Variants in NME7 observed in about 807,000 individuals in gnomAD.
NME7 encodes NME/NM23 family member 7, also known as nucleoside diphosphate kinase 7.
In NME7, 41 loss-of-function variants were observed where a neutral mutation model predicts 49.1. That is an observed-to-expected ratio of 0.83 (90% confidence interval 0.65 to 1.08). The LOEUF (loss-of-function observed/expected upper bound fraction) is 1.08, where lower values mean the gene tolerates loss of function less well. NME7 is among the 50% of genes least tolerant of loss of function. The pLI is 0.00. For missense variants in NME7, 423 were observed against 463.4 expected (o/e 0.91, Z 0.80); for synonymous variants, 139 against 150.6 (o/e 0.92, Z 0.56).
intron 11 of NME7, among the ~76,000 whole-genome samples, chr1:169,143,281 T>A (rs1444674866): frequency 6.6e-6 from 1 of 151,208 alleles, no homozygotes; most frequent in Non-Finnish European, 1.5e-5. Flanking sequence ...GGCTTTTTTT[T>A]TTTTTTTTTT....
chr1:169,356,400 C>G (rs1653469128), intron 1 of NME7, among the ~76,000 whole-genome samples: 1 of 152,002 alleles, frequency 6.6e-6, no homozygotes, highest in African/African-American at 2.4e-5. Flanking sequence ...AGGAAGTCCT[C>G]TCTGATGAGG....
At chr1:169,290,040 T>C (rs1219712129) in intron 6 of NME7, among the ~76,000 whole-genome samples, 15 of 152,028 alleles carry the variant, frequency 9.9e-5, no homozygotes, top group African/African-American at 2.9e-4. Flanking sequence ...TACAAAAAAT[T>C]AAAAATTCAG....
intron 1 of NME7, among the ~76,000 whole-genome samples, chr1:169,350,676 A>G (rs1252872153): frequency 2.0e-5 from 3 of 152,084 alleles, no homozygotes; most frequent in Admixed American, 6.6e-5. Flanking sequence ...GAAAAGAGGG[A>G]AAAAAAGAAA....
chr1:169,361,772 A>C (rs1309730197), intron 1 of NME7, among the ~76,000 whole-genome samples: 1 of 150,648 alleles, frequency 6.6e-6, no homozygotes, highest in East Asian at 2.0e-4. Flanking sequence ...ACAGAACAAA[A>C]CTCTGTCTAA....
At chr1:169,229,100 T>C (rs1049266755) in intron 10 of NME7, among the ~76,000 whole-genome samples, 1 of 152,194 alleles carries the variant, frequency 6.6e-6, no homozygotes, top group Non-Finnish European at 1.5e-5. Flanking sequence ...TTAAGCTGCA[T>C]ACAAGGAATT....
At chr1:169,136,472 C>T (rs766743664) in intron 11 of NME7, among the ~76,000 whole-genome samples, 8 of 152,130 alleles carry the variant, frequency 5.3e-5, no homozygotes, top group Non-Finnish European at 1.0e-4. Context: ...CTGCTATGTA[C>T]CCAGCACTGA....
chr1:169,322,849 G>A (rs555805129), intron 3 of NME7, among the ~76,000 whole-genome samples: 10 of 152,138 alleles, frequency 6.6e-5, no homozygotes, highest in South Asian at 6.2e-4. Flanking sequence ...TCATTAATTC[G>A]TTCAGCTAAT....
intron 1 of NME7, among the ~76,000 whole-genome samples, chr1:169,339,039 C>T (rs920559143): frequency 1.3e-5 from 2 of 152,066 alleles, no homozygotes; most frequent in African/African-American, 4.8e-5. Context: ...CAAGGTGGCT[C>T]TCCTAGTTCT....
chr1:169,348,699 T>C (rs901607667), intron 1 of NME7, among the ~76,000 whole-genome samples: 2 of 151,954 alleles, frequency 1.3e-5, no homozygotes, highest in Non-Finnish European at 2.9e-5. Context: ...CACAAAGCCA[T>C]TTCACAAATA....
At chr1:169,181,396 CACACAT>C (rs1659927701) in intron 10 of NME7, among the ~76,000 whole-genome samples, 4 of 146,870 alleles carry the variant, frequency 2.7e-5, no homozygotes, top group African/African-American at 5.1e-5. Context: ...CACACACACA[CACACAT>C]ATATACACAC....
chr1:169,294,702 T>C (rs1482504506), intron 6 of NME7, among the ~76,000 whole-genome samples: 1 of 152,010 alleles, frequency 6.6e-6, no homozygotes, highest in East Asian at 1.9e-4. Flanking sequence ...AAAATATATA[T>C]CCTAAAGGGT....
At chr1:169,317,077 T>C (rs542517791) in intron 3 of NME7, among the ~76,000 whole-genome samples, 1 of 152,182 alleles carries the variant, frequency 6.6e-6, no homozygotes, top group Non-Finnish European at 1.5e-5. Flanking sequence ...TCAATGTACA[T>C]GTATTAACTT....
intron 6 of NME7, among the ~76,000 whole-genome samples, chr1:169,290,687 T>G (rs1488479675): frequency 6.6e-6 from 1 of 152,102 alleles, no homozygotes; most frequent in Non-Finnish European, 1.5e-5. Flanking sequence ...ACTAAAAAGC[T>G]TCTGCATAGC....
chr1:169,165,430 GA>G (rs146781838), intron 11 of NME7, among the ~76,000 whole-genome samples: 4,525 of 152,262 alleles, frequency 0.03, 98 homozygotes, highest in Non-Finnish European at 0.049. Context: ...AGATTAAAGA[GA>G]AGTAGCATGT....
intron 10 of NME7, among the ~76,000 whole-genome samples, chr1:169,226,188 A>T (rs1469419397): frequency 6.6e-6 from 1 of 152,134 alleles, no homozygotes; most frequent in African/African-American, 2.4e-5. Context: ...TGAATTTCTA[A>T]ATTATTTTAA....
Position 169,252,837 on chromosome 1 carries a change from G to C in NME7, c.755-15150C>G, listed in dbSNP as rs375820337. Among the ~76,000 whole-genome samples, 201 of 148,542 alleles carry C rather than the reference G, an allele frequency of 1.4e-3. 1 individual carries two copies. The highest frequency in any genetic ancestry group is 2.5e-3 in the Non-Finnish European group (167 of 67,180). ...ATAGGGAATCCTTTCCCCATTGCTT[G>C]TTTTTCTCAGGTTTGTCAAAGATCA... On this transcript the variant is annotated intron_variant, in intron 7 of 11. Transcript: ENST00000367811.
intron 10 of NME7, among the ~76,000 whole-genome samples, chr1:169,214,186 G>A (rs898900863): frequency 1.3e-5 from 2 of 152,210 alleles, no homozygotes; most frequent in East Asian, 3.9e-4. Context: ...CATGTTAGAA[G>A]CAAGTGGTTT....
chr1:169,279,196 A>G (rs1558019706), intron 7 of NME7, among the ~76,000 whole-genome samples: 2 of 152,188 alleles, frequency 1.3e-5, no homozygotes, highest in East Asian at 3.9e-4. Flanking sequence ...GGGTGCTGGG[A>G]GAACCACTGC....
At position 169,312,739 on chromosome 1, in the gene NME7, G is replaced by C. The variant is rs1890260; in HGVS notation, c.279-2659C>G. Among the ~76,000 whole-genome samples the C allele has an allele frequency of 4.6e-5, 7 of 152,232 alleles. No homozygotes were observed. The East Asian group carries it at 1.4e-3, about 29-fold the overall frequency. Reference sequence around the variant, plus strand: ...TGATTGCAGTACAATAAATGTCCCAGACAGTATAGTGCTATTGCTATGTAA... The same window carrying C: ...TGATTGCAGTACAATAAATGTCCCACACAGTATAGTGCTATTGCTATGTAA... On this transcript the variant is annotated intron_variant, in intron 3 of 11. Coordinates refer to ENST00000367811, the MANE Select transcript of NME7 (RefSeq NM_013330.5).
Sources: gnomAD v4.1 joint callset for allele counts (sites outside exome capture counted in the v4.1 genomes callset) on GRCh38, gnomAD v4.1.1 for gene constraint, MANE v1.5 for transcripts, NCBI Gene and HGNC (gene_info 2026-07-23, HGNC 2026-07-21) for gene names.